Variants in TFB1M observed in about 807,000 individuals in gnomAD.
The protein encoded by TFB1M is dimethyladenosine transferase 1, mitochondrial.
In TFB1M, 27 loss-of-function variants were observed where a neutral mutation model predicts 31.1. That is an observed-to-expected ratio of 0.87 (90% confidence interval 0.64 to 1.20). The LOEUF (loss-of-function observed/expected upper bound fraction) is 1.20, where lower values mean the gene tolerates loss of function less well. Ranked by LOEUF, TFB1M falls within the 50% of genes most tolerant of loss-of-function variation. TFB1M has a pLI of 0.00. For missense variants in TFB1M, 394 were observed against 418.7 expected, an observed-to-expected ratio of 0.94 and a Z score of 0.51; for synonymous variants, 166 against 151.8, an observed-to-expected ratio of 1.09 and a Z score of -0.69.
At chr6:155,240,873 G>A in the TFB1M span, among the ~76,000 whole-genome samples, 1 of 152,250 alleles carries the variant, frequency 6.6e-6, no homozygotes, top group African/African-American at 2.4e-5. Context: ...GAGGGGAAGA[G>A]TGAGAGGGTG....
chr6:155,256,098 G>C, downstream of TFB1M: 1 of 333,386 alleles, frequency 3.0e-6, no homozygotes, highest in Admixed American at 4.7e-5. Flanking sequence ...TAGGAATATG[G>C]TGTGATCTTC....
rs1571767 is a variant in TFB1M, at chr6:155,256,731, T to A, written c.*1105A>T. The A allele has an allele frequency of 2.6e-3, 4,159 of 1,614,194 alleles. 129 individuals are homozygous for A. In the East Asian group the frequency reaches 0.067, roughly 26 times the overall value. The stretch of plus-strand genomic sequence containing the variant: ...AGAGTGACATCCTGAGCGATGAAGA[T>A]GATGACCACCGTCAGACTGTGAAGC... On this transcript the variant is annotated 3_prime_UTR_variant, in exon 7 of 7. Coordinates refer to ENST00000367166, the MANE Select transcript of TFB1M (RefSeq NM_016020.4).
At chr6:155,283,334 G>C (rs1029670118) in intron 5 of TFB1M, among the ~76,000 whole-genome samples, 1 of 152,018 alleles carries the variant, frequency 6.6e-6, no homozygotes, top group Non-Finnish European at 1.5e-5. Flanking sequence ...TGCTTTTCTG[G>C]ATTACAAATA....
At chr6:155,313,746 C>T (rs571934142) in intron 1 of TFB1M, among the ~76,000 whole-genome samples, 1 of 152,162 alleles carries the variant, frequency 6.6e-6, no homozygotes, top group East Asian at 1.9e-4. Context: ...CATATCCTAC[C>T]CCCGGCACTA....
intron 5 of TFB1M, among the ~76,000 whole-genome samples, chr6:155,281,469 C>A (rs1201431522): frequency 6.6e-6 from 1 of 152,132 alleles, no homozygotes; most frequent in African/African-American, 2.4e-5. Flanking sequence ...TGCCTGTAAT[C>A]CCAGCACTTT....
intron 5 of TFB1M, among the ~76,000 whole-genome samples, chr6:155,277,906 C>G (rs754910200): frequency 3.9e-5 from 6 of 152,152 alleles, no homozygotes; most frequent in Non-Finnish European, 7.4e-5. Flanking sequence ...TTTACATAGT[C>G]TATGTAGCCT....
chr6:155,261,789 T>TG (rs1784405486), intron 5 of TFB1M, among the ~76,000 whole-genome samples: 1 of 152,202 alleles, frequency 6.6e-6, no homozygotes, highest in Non-Finnish European at 1.5e-5. Flanking sequence ...CGGTGTGGGC[T>TG]GGCGCATGCT....
Position 155,311,163 on chromosome 6 carries a change from AAAGCAGACACTTT to A in TFB1M, c.285+12_285+24del. ...GATTTAAATTCAGCTTTTGCCTCCT[AAAGCAGACACTTT>A]AAGCATCTCACCTGTAATCCAGGAA... On this transcript the variant is annotated intron_variant, in intron 2 of 6. Coordinates refer to ENST00000367166, the MANE Select transcript of TFB1M (RefSeq NM_016020.4). The A allele has an allele frequency of 1.2e-6, 2 of 1,613,646 alleles. No homozygotes were observed. The highest frequency in any genetic ancestry group is 4.5e-5 in the East Asian group (2 of 44,882).
chr6:155,243,428 C>T, the TFB1M span, among the ~76,000 whole-genome samples: 3 of 152,096 alleles, frequency 2.0e-5, no homozygotes, highest in Non-Finnish European at 4.4e-5. Flanking sequence ...GTTTCTGTCA[C>T]CAAGACACTT....
At chr6:155,306,104 A>G (rs977972672) in intron 2 of TFB1M, among the ~76,000 whole-genome samples, 4 of 152,168 alleles carry the variant, frequency 2.6e-5, no homozygotes, top group African/African-American at 7.2e-5. Context: ...TCGTATGTCC[A>G]GTATTATTAT....
chr6:155,253,004 C>T, downstream of TFB1M: 2 of 1,614,232 alleles, frequency 1.2e-6, no homozygotes, highest in South Asian at 1.1e-5. Context: ...TTAAATTCCG[C>T]TGGTTGATCC....
chr6:155,307,741 GGAA>G (rs1211446939), intron 2 of TFB1M, among the ~76,000 whole-genome samples: 4 of 152,026 alleles, frequency 2.6e-5, no homozygotes, highest in Non-Finnish European at 4.4e-5. Flanking sequence ...CGGCCACACT[GGAA>G]GAAGAACTGT....
intron 5 of TFB1M, 162 bp from the exon 6 acceptor site, chr6:155,260,562 G>C: frequency 1.2e-6 from 1 of 861,338 alleles, no homozygotes; most frequent in Non-Finnish European, 1.9e-6. Flanking sequence ...ATGGAAGATG[G>C]TACATTCTGG....
intron 5 of TFB1M, among the ~76,000 whole-genome samples, chr6:155,270,080 C>T (rs1426081726): frequency 6.6e-6 from 1 of 152,222 alleles, no homozygotes; most frequent in Non-Finnish European, 1.5e-5. Flanking sequence ...AACAAAACAA[C>T]TTGTTGACTC....
In TFB1M at chr6:155,257,599, C is replaced by CA; in HGVS notation, c.*236_*237insT. 2.0e-6 allele frequency: 1 copy of CA among 497,826 alleles called. No homozygotes were observed. 30.8% of individuals were successfully genotyped at this position (497,826 alleles called of 1,614,324 possible). A position where few individuals can be genotyped will look rare whatever the true frequency, so the allele number is the denominator to read the frequency against. On this transcript the variant is annotated 3_prime_UTR_variant, in exon 7 of 7. Transcript: ENST00000367166. ...TTTGTAAGATAGATTGTAATAGATGCTGTTTATACTAAACATGTCATAACT... is the reference window on the plus strand; with the variant it reads ...TTTGTAAGATAGATTGTAATAGATGCATGTTTATACTAAACATGTCATAACT...
chr6:155,254,520 G>A (rs1783880463), downstream of TFB1M: 1 of 1,614,074 alleles, frequency 6.2e-7, no homozygotes, highest in Admixed American at 1.7e-5. Flanking sequence ...GAGAAAACGT[G>A]TAAGGATCGC....
At position 155,258,001 on chromosome 6, in the gene TFB1M, G is replaced by A. The variant is rs1310826435; in HGVS notation, c.876C>T (p.Pro292=). Reference sequence around the variant, plus strand: ...TAAAGTGTGAGATGGAGAGCTGGCGGGGCCGAAGAGTAGGGTCTATGTCTG... The same window carrying A: ...TAAAGTGTGAGATGGAGAGCTGGCGAGGCCGAAGAGTAGGGTCTATGTCTG... ...ELADIDPTLR[P]RQLSISHFKS... is the part of the protein sequence containing the mutation. Residue 292 remains proline, a synonymous_variant, in exon 7 of 7, where the codon CCC becomes CCT. Coordinates refer to ENST00000367166, the MANE Select transcript of TFB1M (RefSeq NM_016020.4). 2 of 1,614,080 alleles carry A rather than the reference G, an allele frequency of 1.2e-6. No individual in the cohort carries two copies. Among genetic ancestry groups the A allele is most frequent in the Non-Finnish European group, 1.7e-6 (2 of 1,180,046 alleles).
intron 5 of TFB1M, among the ~76,000 whole-genome samples, chr6:155,267,481 G>T (rs530430726): frequency 6.6e-6 from 1 of 152,332 alleles, no homozygotes; most frequent in African/African-American, 2.4e-5. Context: ...TTAGAGAAAT[G>T]TTATGTGTTG....
At chr6:155,314,073 G>A (rs1778136896) in intron 1 of TFB1M, 1 of 1,432,988 alleles carries the variant, frequency 7.0e-7, no homozygotes, top group Non-Finnish European at 9.1e-7. Context: ...CTGCCGGCAG[G>A]CTACACCCCC....
Sources: gnomAD v4.1 joint callset for allele counts (sites outside exome capture counted in the v4.1 genomes callset) on GRCh38, gnomAD v4.1.1 for gene constraint, MANE v1.5 for transcripts, NCBI Gene and HGNC (gene_info 2026-07-23, HGNC 2026-07-21) for gene names.